Variants in AGBL1 observed in about 807,000 individuals in gnomAD.
The protein encoded by AGBL1 is AGBL carboxypeptidase 1, also known as cytosolic carboxypeptidase 4.
A neutral mutation model predicts 118.9 loss-of-function variants in AGBL1; 130 were observed. That is an observed-to-expected ratio of 1.09 (90% CI 0.95 to 1.26). AGBL1 has a LOEUF of 1.26. AGBL1 is among the 50% of genes most tolerant of loss of function. The probability of loss-of-function intolerance (pLI) is 0.00; values close to 1 mark genes in which losing one functional copy is unlikely to be tolerated. For missense variants in AGBL1, 1,584 were observed against 1,298.1 expected (o/e 1.22, Z -3.38); for synonymous variants, 555 against 478.9 (o/e 1.16, Z -2.08).
At chr15:86,272,534 T>C (rs1055125016) in intron 15 of AGBL1, among the ~76,000 whole-genome samples, 3 of 152,212 alleles carry the variant, frequency 2.0e-5, no homozygotes, top group African/African-American at 7.2e-5. Flanking sequence ...TAAAAAAGTA[T>C]GATCAGACAT....
chr15:87,006,247 A>G (rs985082638), intron 24 of AGBL1, among the ~76,000 whole-genome samples: 2 of 152,156 alleles, frequency 1.3e-5, no homozygotes, highest in African/African-American at 4.8e-5. Flanking sequence ...AAATCTGCAG[A>G]GGTTTCTGCT....
At chr15:86,385,467 T>A (rs1212276733) in intron 17 of AGBL1, among the ~76,000 whole-genome samples, 2 of 152,204 alleles carry the variant, frequency 1.3e-5, no homozygotes, top group Non-Finnish European at 2.9e-5. Context: ...TTCAGCAAGA[T>A]CTCCAGAGGA....
At chr15:86,463,563 A>G (rs1243663254) in intron 18 of AGBL1, among the ~76,000 whole-genome samples, 2 of 151,936 alleles carry the variant, frequency 1.3e-5, no homozygotes, top group Non-Finnish European at 2.9e-5. Flanking sequence ...TAGGGTTTTT[A>G]TGGTTTTAGG....
At chr15:86,663,927 G>A (rs1226947681) in intron 21 of AGBL1, among the ~76,000 whole-genome samples, 2 of 152,100 alleles carry the variant, frequency 1.3e-5, no homozygotes, top group Non-Finnish European at 2.9e-5. Context: ...TTTACCCTCT[G>A]TATGCATCCT....
chr15:87,006,498 G>T (rs532043028), intron 24 of AGBL1, among the ~76,000 whole-genome samples: 2 of 152,170 alleles, frequency 1.3e-5, no homozygotes, highest in African/African-American at 4.8e-5. Flanking sequence ...AGCCAGGCAC[G>T]GGGTATAATC....
At position 87,003,589 on chromosome 15, in the gene AGBL1, T is replaced by C. The variant is rs752110582; in HGVS notation, c.3323+15501T>C. ...CCTTGTACCTCTAGTAGAATTCAGC[T>C]GTGAATCCATCTGGTCCTGGACTTT... is the stretch of plus-strand genomic sequence containing the variant. On this transcript the variant is annotated intron_variant, in intron 24 of 24. Transcript: ENST00000441037. Among the ~76,000 whole-genome samples, 338 of 152,320 alleles carry C rather than the reference T, an allele frequency of 2.2e-3. 2 individuals carry two copies. Among genetic ancestry groups the C allele is most frequent in the Non-Finnish European group, 3.1e-3 (213 of 68,034 alleles).
chr15:86,312,814 C>T (rs971706846), intron 17 of AGBL1, among the ~76,000 whole-genome samples: 3 of 152,182 alleles, frequency 2.0e-5, no homozygotes, highest in African/African-American at 7.2e-5. Context: ...GCTCTCTGTA[C>T]CCCAGGATGC....
At chr15:86,751,560 G>GA (rs1039899152) in intron 22 of AGBL1, among the ~76,000 whole-genome samples, 2 of 152,050 alleles carry the variant, frequency 1.3e-5, no homozygotes, top group African/African-American at 4.8e-5. Context: ...CTTCTGCACA[G>GA]AAAAAGAAAC....
chr15:86,151,663 A>G (rs2077113087), intron 3 of AGBL1, among the ~76,000 whole-genome samples: 2 of 152,340 alleles, frequency 1.3e-5, no homozygotes, highest in African/African-American at 4.8e-5. Context: ...ATAGTGTTGG[A>G]AGTTCTGGCC....
rs186017448 is a variant in AGBL1 at position 86,984,284 on chromosome 15, C to T, written c.3222-3703C>T. 9.5e-4 allele frequency among the ~76,000 whole-genome samples: 143 copies of T among 151,186 alleles called. 1 individual carries two copies. Among genetic ancestry groups the T allele is most frequent in the African/African-American group, 3.1e-3 (128 of 41,264 alleles). ...TCTTTTTATGTATTTATTGATCATT[C>T]GTAGATCTTCTTGGAAATGTGTCTA... On this transcript the variant is annotated intron_variant, in intron 23 of 24. Coordinates refer to the AGBL1 transcript ENST00000441037.
intron 18 of AGBL1, among the ~76,000 whole-genome samples, chr15:86,497,161 G>A (rs1402863136): frequency 1.3e-5 from 2 of 151,926 alleles, no homozygotes; most frequent in African/African-American, 4.8e-5. Context: ...TTGAAGCAAA[G>A]AAAGTCAGCT....
At chr15:86,832,529 G>A (rs1596531429) in intron 22 of AGBL1, among the ~76,000 whole-genome samples, 1 of 152,142 alleles carries the variant, frequency 6.6e-6, no homozygotes, top group Non-Finnish European at 1.5e-5. Context: ...CAAGTTCAAA[G>A]TTTGACAGAT....
intron 3 of AGBL1, among the ~76,000 whole-genome samples, chr15:86,145,080 G>A (rs747212124): frequency 3.0e-4 from 46 of 152,242 alleles, no homozygotes; most frequent in African/African-American, 1.0e-3. Flanking sequence ...CCATCTTCAC[G>A]TGCTGTTCTC....
intron 6 of AGBL1, among the ~76,000 whole-genome samples, chr15:86,232,793 G>C (rs992188541): frequency 6.6e-6 from 1 of 152,114 alleles, no homozygotes; most frequent in Non-Finnish European, 1.5e-5. Context: ...CACCATGTAA[G>C]GACAATGCCC....
At chr15:86,640,607 A>G (rs1348205734) in intron 21 of AGBL1, among the ~76,000 whole-genome samples, 2 of 152,158 alleles carry the variant, frequency 1.3e-5, no homozygotes, top group African/African-American at 2.4e-5. Flanking sequence ...AAATATATGT[A>G]ATAACAAGTT....
rs544543373 is a variant in AGBL1, at chr15:87,023,928, T to C, written c.3324-4897T>C. Among the ~76,000 whole-genome samples, 7 of 152,102 alleles carry C rather than the reference T, an allele frequency of 4.6e-5. No individual in the cohort carries two copies. In the East Asian group the frequency reaches 9.7e-4, roughly 21 times the overall value. ...CCAAAATGAAAATTAAAAAATTCTT[T>C]GAACTGAATGACAATAGTGACACAA... On this transcript the variant is annotated intron_variant, in intron 24 of 24. Transcript: ENST00000441037.
chr15:86,217,638 G>C (rs1030497333), intron 5 of AGBL1, among the ~76,000 whole-genome samples: 3 of 152,194 alleles, frequency 2.0e-5, no homozygotes, highest in Non-Finnish European at 4.4e-5. Flanking sequence ...TGAGATACAG[G>C]TAAAGAAGGG....
intron 22 of AGBL1, among the ~76,000 whole-genome samples, chr15:86,696,259 C>T (rs1157046385): frequency 6.6e-6 from 1 of 151,860 alleles, no homozygotes; most frequent in Non-Finnish European, 1.5e-5. Flanking sequence ...AATTTGGGAG[C>T]TCCAGTGTTA....
intron 22 of AGBL1, among the ~76,000 whole-genome samples, chr15:86,855,095 G>T (rs1324481261): frequency 6.6e-6 from 1 of 152,294 alleles, no homozygotes; most frequent in East Asian, 1.9e-4. Flanking sequence ...ATCTTATTGT[G>T]ATGCTGTTGT....
Sources: allele counts gnomAD v4.1 joint callset (sites outside exome capture counted in the v4.1 genomes callset), GRCh38; gene constraint gnomAD v4.1.1; transcripts MANE v1.5; gene names NCBI Gene and HGNC (gene_info 2026-07-23, HGNC 2026-07-21).